Variants in CHODL observed in about 807,000 individuals in gnomAD.
CHODL encodes chondrolectin, also known as transmembrane protein MT75.
CHODL carries 29 observed loss-of-function variants against 34.5 expected under a neutral mutation model. The ratio of observed to expected loss-of-function variants is 0.84; its 90% confidence interval spans 0.63 to 1.15. The LOEUF is 1.15. Among genes scored for constraint, CHODL ranks in the 50% most tolerant of loss-of-function variants. CHODL has a pLI of 0.00. For synonymous variants in CHODL, 125 were observed against 116.1 expected, an observed-to-expected ratio of 1.08 and a Z score of -0.49; for missense variants, 332 against 332.5, an observed-to-expected ratio of 1.00 and a Z score of 0.01.
At chr21:18,034,875 C>T (rs946449350) in intron 2 of CHODL, among the ~76,000 whole-genome samples, 2 of 151,934 alleles carry the variant, frequency 1.3e-5, no homozygotes, top group Non-Finnish European at 2.9e-5. Context: ...GGAGAGAAAG[C>T]CTCAGGCTCG....
intron 1 of CHODL, among the ~76,000 whole-genome samples, chr21:17,939,953 G>A (rs775409007): frequency 3.3e-5 from 5 of 152,202 alleles, no homozygotes; most frequent in African/African-American, 1.2e-4. Context: ...TTGGCAAACA[G>A]TTTGGCAGGA....
intron 2 of CHODL, among the ~76,000 whole-genome samples, chr21:18,229,871 C>T (rs1023307856): frequency 3.3e-5 from 5 of 152,022 alleles, no homozygotes; most frequent in African/African-American, 4.8e-5. Flanking sequence ...TCATGGAACA[C>T]GAAAGGATAA....
At chr21:18,006,417 G>T (rs758839817) in intron 1 of CHODL, among the ~76,000 whole-genome samples, 48 of 151,994 alleles carry the variant, frequency 3.2e-4, no homozygotes, top group Non-Finnish European at 6.2e-4. Flanking sequence ...ACCCCAGATG[G>T]AAACTAACAA....
rs2064132244 is a variant in CHODL at position 18,021,982 on chromosome 21, T to C, written c.-144-5890T>C. The stretch of plus-strand genomic sequence containing the variant: ...GAGGCCTTTGGGAGGCAATTAGGTT[T>C]AGGGGAGGTCATGAGGGTGAAGCCC... On this transcript the variant is annotated intron_variant, in intron 1 of 6. Transcript: ENST00000400127. Among the ~76,000 whole-genome samples, 6 of 152,162 alleles carry C rather than the reference T, an allele frequency of 3.9e-5. 1 individual carries two copies. Among genetic ancestry groups the C allele is most frequent in the Admixed American group, 2.6e-4 (4 of 15,266 alleles).
chr21:18,209,463 C>A (rs544364536), intron 2 of CHODL, among the ~76,000 whole-genome samples: 5 of 152,286 alleles, frequency 3.3e-5, no homozygotes, highest in Middle Eastern at 3.4e-3. Flanking sequence ...GAAATGCTAT[C>A]CCAGAGCCAA....
chr21:18,128,695 A>G (rs577503365), intron 2 of CHODL, among the ~76,000 whole-genome samples: 1 of 152,282 alleles, frequency 6.6e-6, no homozygotes, highest in South Asian at 2.1e-4. Context: ...AAGGAGAAGG[A>G]ATAGAGAGTA....
At chr21:18,259,540 A>C (rs1023131487) in intron 3 of CHODL, among the ~76,000 whole-genome samples, 61 of 152,216 alleles carry the variant, frequency 4.0e-4, no homozygotes, top group Non-Finnish European at 1.8e-4. Context: ...AAGAACAATA[A>C]AAAATAAAGT....
intron 1 of CHODL, among the ~76,000 whole-genome samples, chr21:17,931,901 A>T (rs1003332582): frequency 6.6e-6 from 1 of 152,210 alleles, no homozygotes; most frequent in African/African-American, 2.4e-5. Context: ...TAGGCAAAAC[A>T]TTTATGACTA....
intron 2 of CHODL, among the ~76,000 whole-genome samples, chr21:18,195,090 T>C (rs141012409): frequency 4.6e-5 from 7 of 151,992 alleles, no homozygotes; most frequent in Admixed American, 1.3e-4. Context: ...AGTCTCTCTC[T>C]GTCGCCCAGG....
chr21:18,162,411 TTCTC>T (rs58978469), intron 2 of CHODL, among the ~76,000 whole-genome samples: 75 of 147,602 alleles, frequency 5.1e-4, no homozygotes, highest in East Asian at 2.4e-3. Context: ...ACGTGGTGTT[TTCTC>T]TCTCTCTCTC....
At chr21:18,146,949 G>A (rs1568910104) in intron 2 of CHODL, among the ~76,000 whole-genome samples, 1 of 152,146 alleles carries the variant, frequency 6.6e-6, no homozygotes, top group Non-Finnish European at 1.5e-5. Context: ...TGAGATCTTG[G>A]AAGAGGGTGA....
chr21:18,225,608 A>G lies in CHODL; in HGVS notation c.-44-30901A>G, dbSNP rs141052292. On this transcript the variant is annotated intron_variant, in intron 2 of 6. Coordinates refer to the CHODL transcript ENST00000400127. The stretch of plus-strand genomic sequence containing the variant: ...AGCATGTTGTGAACTTTTAAGAAAG[A>G]CAACATAAAAAACTTTATATATGGT... Among the ~76,000 whole-genome samples the G allele has an allele frequency of 4.3e-3, 654 of 152,282 alleles. 3 individuals are homozygous for G. Among genetic ancestry groups the G allele is most frequent in the Non-Finnish European group, 7.1e-3 (482 of 68,008 alleles).
intron 2 of CHODL, among the ~76,000 whole-genome samples, chr21:18,091,036 T>G (rs1042993201): frequency 2.6e-5 from 4 of 152,192 alleles, no homozygotes; most frequent in Admixed American, 6.5e-5. Context: ...TCTGCTCACT[T>G]TGGGGAGGGA....
intron 2 of CHODL, among the ~76,000 whole-genome samples, chr21:18,099,213 C>A (rs1169182740): frequency 6.6e-6 from 1 of 151,894 alleles, no homozygotes; most frequent in Non-Finnish European, 1.5e-5. Flanking sequence ...TTTAATTGTA[C>A]ATTTTAAAAT....
intron 2 of CHODL, among the ~76,000 whole-genome samples, chr21:18,113,648 T>C (rs1415953905): frequency 6.6e-6 from 1 of 152,034 alleles, no homozygotes; most frequent in Non-Finnish European, 1.5e-5. Flanking sequence ...ATCACCAGAA[T>C]AGCAAGGGGG....
chr21:18,165,449 C>G (rs2073140861), intron 2 of CHODL, among the ~76,000 whole-genome samples: 1 of 152,116 alleles, frequency 6.6e-6, no homozygotes, highest in Non-Finnish European at 1.5e-5. Flanking sequence ...TATAGAAACT[C>G]AGACATATGG....
intron 1 of CHODL, among the ~76,000 whole-genome samples, chr21:18,006,400 A>G (rs1348104561): frequency 6.6e-6 from 1 of 152,018 alleles, no homozygotes; most frequent in Non-Finnish European, 1.5e-5. Flanking sequence ...TCCTGATCCT[A>G]TCTTCCACCC....
At chr21:17,917,484 A>G (rs968882843) in intron 1 of CHODL, 1 of 152,186 alleles carries the variant, frequency 6.6e-6, no homozygotes, top group Non-Finnish European at 1.5e-5. Flanking sequence ...ACACAGCAGT[A>G]AAATAACCTG....
chr21:18,096,035 T>A (rs1466900785), intron 2 of CHODL, among the ~76,000 whole-genome samples: 4 of 152,170 alleles, frequency 2.6e-5, no homozygotes, highest in Non-Finnish European at 2.9e-5. Flanking sequence ...ACATAAATTG[T>A]GAAGATTTCA....
Sources: gnomAD v4.1 joint callset for allele counts (sites outside exome capture counted in the v4.1 genomes callset) on GRCh38, gnomAD v4.1.1 for gene constraint, MANE v1.5 for transcripts, NCBI Gene and HGNC (gene_info 2026-07-23, HGNC 2026-07-21) for gene names.